EIF2AK4: variants seen among roughly 807,000 people sequenced by gnomAD.
The protein encoded by EIF2AK4 is eukaryotic translation initiation factor 2 alpha kinase 4, also known as eIF-2-alpha kinase GCN2.
Under a neutral mutation model 211.1 loss-of-function variants are expected in EIF2AK4, and 139 were observed. The observed-to-expected ratio is 0.66, with a 90% CI of 0.57 to 0.76. The LOEUF is 0.76. Among genes scored for constraint, EIF2AK4 ranks in the 30% least tolerant of loss-of-function variants. The pLI is 0.00. For missense variants in EIF2AK4, 1,664 were observed against 2,043.8 expected (o/e 0.81, Z 3.58); for synonymous variants, 710 against 751.3 (o/e 0.94, Z 0.90).
At chr15:40,011,483 G>A (rs1432907068) in intron 27 of EIF2AK4, 137 bp downstream of exon 27, 1 of 660,504 alleles carries the variant, frequency 1.5e-6, no homozygotes, top group Non-Finnish European at 2.6e-6. Context: ...TCCCTTGAGT[G>A]TTAGGTACCA....
intron 13 of EIF2AK4, among the ~76,000 whole-genome samples, chr15:39,982,854 T>C (rs1404247545): frequency 6.6e-6 from 1 of 152,236 alleles, no homozygotes; most frequent in African/African-American, 2.4e-5. Context: ...TTCATCCATG[T>C]CCCTGCAAAG....
In EIF2AK4 at chr15:40,034,388, G is replaced by A; in HGVS notation, c.4836G>A (p.Lys1612=). The change falls in exon 38 of 39, where the codon AAG becomes AAA. Residue 1612 remains lysine, a synonymous_variant. Transcript: ENST00000263791. The stretch of plus-strand genomic sequence containing the variant: ...AGCAGCTGCTGTCACGCCTGCCAAA[G>A]CAAAGATACCTCAAATTAGTCTGTG... ...TVKQLLSRLP[K]QRYLKLVCDE... is the part of the protein sequence containing the mutation. 6.2e-7 allele frequency: 1 copy of A among 1,614,036 alleles called. No homozygotes were observed. The highest frequency in any genetic ancestry group is 8.5e-7 in the Non-Finnish European group (1 of 1,179,974).
intron 5 of EIF2AK4, among the ~76,000 whole-genome samples, chr15:39,955,384 C>T (rs1424446226): frequency 4.6e-5 from 7 of 151,952 alleles, no homozygotes; most frequent in Non-Finnish European, 8.8e-5. Flanking sequence ...GTATAGTGAT[C>T]GGATCAGGGT....
At chr15:40,018,464 T>C (rs1478535728) in intron 29 of EIF2AK4, among the ~76,000 whole-genome samples, 1 of 152,004 alleles carries the variant, frequency 6.6e-6, no homozygotes, top group Admixed American at 6.6e-5. Context: ...AGTCTCACAC[T>C]CTTTTTTCTC....
In EIF2AK4 at chr15:39,973,613, T is replaced by G. The variant is rs758812636; in HGVS notation, c.1682T>G (p.Val561Gly). 1 of 1,613,668 alleles carries G rather than the reference T, an allele frequency of 6.2e-7. No homozygotes were observed. The highest frequency in any genetic ancestry group is 1.3e-5 in the African/African-American group (1 of 74,930). ...TCAGATTCTGAAGGACAAGATTATG[T>G]TGAGACTGTTATTCCTAGCAACCGG... is the stretch of plus-strand genomic sequence containing the variant. ...SPEDSEGQDY[V>G]ETVIPSNRLP... is the part of the protein sequence containing the mutation. The change falls in exon 11 of 39, where the codon GTT (valine) becomes GGT (glycine). Residue 561 changes from valine to glycine, a missense_variant. By Grantham distance (109) the Val-to-Gly change is moderately radical. Around this residue, in one of 7 missense-constraint regions of EIF2AK4, gnomAD observed 641 missense variants for 729.6 expected, o/e 0.88. Coordinates refer to ENST00000263791, the MANE Select transcript of EIF2AK4 (RefSeq NM_001013703.4).
chr15:40,008,763 T>C (rs2035196398), intron 25 of EIF2AK4, among the ~76,000 whole-genome samples: 2 of 152,160 alleles, frequency 1.3e-5, no homozygotes, highest in South Asian at 4.1e-4. Context: ...TTCTCAACTC[T>C]CACAGGTCTT....
intron 33 of EIF2AK4, 140 bp downstream of exon 33, chr15:40,026,229 G>T: frequency 1.4e-6 from 1 of 711,410 alleles, no homozygotes; most frequent in South Asian, 1.9e-5. Flanking sequence ...CCAAGTTTGG[G>T]GAATCACTTG....
rs1030308387 is a variant in EIF2AK4, at chr15:39,965,718, A to G, written c.892A>G (p.Asn298Asp). 7.4e-6 allele frequency: 12 copies of G among 1,613,930 alleles called. No homozygotes were observed. The highest frequency in any genetic ancestry group is 1.3e-5 in the African/African-American group (1 of 74,906). The change falls in exon 8 of 39, where the codon AAT becomes GAT. Residue 298 changes from asparagine (N) to aspartate (D), a missense_variant. Physicochemically the swap from Asn to Asp is conservative, Grantham distance 23 (BLOSUM62 1). Around this residue, in one of 7 missense-constraint regions of EIF2AK4, gnomAD observed 641 missense variants for 729.6 expected, o/e 0.88. Transcript: ENST00000263791. ...TGAACAACTTGGAAAATTAGTCTAC[A>G]ATGCTTTGGAAACAGCCACTGGTGG... ...SDEQLGKLVY[N>D]ALETATGGFV...
rs550200793 is a variant in EIF2AK4 at position 39,944,837 on chromosome 15, G to A, written c.360+1352G>A. ...AAGATAACCATTCATCTCATGGAAA[G>A]TAACTGGACAGATTTTTACTTGCTT... is the stretch of plus-strand genomic sequence containing the variant. On this transcript the variant is annotated intron_variant, in intron 3 of 38. Coordinates refer to ENST00000263791, the MANE Select transcript of EIF2AK4 (RefSeq NM_001013703.4). Among the ~76,000 whole-genome samples, 5 of 152,338 alleles carry A rather than the reference G, an allele frequency of 3.3e-5. No individual in the cohort carries two copies. In the East Asian group the frequency reaches 9.6e-4, roughly 29 times the overall value.
At chr15:40,017,738 G>T (rs925572000) in intron 29 of EIF2AK4, among the ~76,000 whole-genome samples, 1 of 150,784 alleles carries the variant, frequency 6.6e-6, no homozygotes, top group African/African-American at 2.4e-5. Context: ...GTAGAGACAG[G>T]GTTTTGCCAT....
At chr15:40,008,899 A>G (rs2412461) in intron 25 of EIF2AK4, among the ~76,000 whole-genome samples, 1,570 of 152,266 alleles carry the variant, frequency 0.01, 32 homozygotes, top group African/African-American at 0.037. Flanking sequence ...AGCTCGGCAC[A>G]TGGCTCACCA....
chr15:40,035,489 A>AT lies in EIF2AK4; in HGVS notation c.*412dup, dbSNP rs1216607152. 3 of 152,156 alleles carry AT rather than the reference A, an allele frequency of 2.0e-5. No individual in the cohort carries two copies. The highest frequency in any genetic ancestry group is 2.1e-4 in the South Asian group (1 of 4,852). 9.4% of individuals were successfully genotyped at this position (152,156 alleles called of 1,614,324 possible). ...TCTTAAAAAAAAAAAGAAAAAAAAA[A>AT]TTTTTTTCTAAGAAGCTGTCCTACA... On this transcript the variant is annotated 3_prime_UTR_variant, in exon 39 of 39. Coordinates refer to ENST00000263791, the MANE Select transcript of EIF2AK4 (RefSeq NM_001013703.4).
intron 18 of EIF2AK4, among the ~76,000 whole-genome samples, chr15:39,993,555 C>T (rs189742208): frequency 1.4e-3 from 212 of 152,242 alleles, no homozygotes; most frequent in Non-Finnish European, 2.3e-3. Context: ...GAGGAAACTG[C>T]ACACATAAAG....
At position 40,019,445 on chromosome 15, in the gene EIF2AK4, G is replaced by C. The variant is rs117184669; in HGVS notation, c.4173+245G>C. Among the ~76,000 whole-genome samples, 6 of 152,254 alleles carry C rather than the reference G, an allele frequency of 3.9e-5. No individual in the cohort carries two copies. In the East Asian group the frequency reaches 1.2e-3, roughly 29 times the overall value. On this transcript the variant is annotated intron_variant, in intron 30 of 38. Transcript: ENST00000263791. The stretch of plus-strand genomic sequence containing the variant: ...AGGGGTCCCTAACCCCCAGGCAGTG[G>C]ACTGGTACCCATCCAGGGCCTGTTA...
At chr15:39,971,172 T>C (rs8036388) in intron 9 of EIF2AK4, among the ~76,000 whole-genome samples, 138,739 of 151,970 alleles carry the variant, frequency 0.91, 63,751 homozygotes, top group Middle Eastern at 0.97. Context: ...ATCTCTTGAG[T>C]CCAGGAGTTC....
intron 33 of EIF2AK4, among the ~76,000 whole-genome samples, chr15:40,026,375 T>G (rs576467609): frequency 3.7e-4 from 56 of 152,270 alleles, no homozygotes; most frequent in African/African-American, 1.3e-3. Context: ...GAGGATTGCT[T>G]GAGCCCAGGA....
At chr15:40,023,897 C>G (rs1385814023) in intron 32 of EIF2AK4, among the ~76,000 whole-genome samples, 2 of 152,100 alleles carry the variant, frequency 1.3e-5, no homozygotes, top group African/African-American at 4.8e-5. Flanking sequence ...CACCTTGGAC[C>G]AAATTCAGCC....
intron 4 of EIF2AK4, chr15:39,951,468 A>C (rs1380328950): frequency 2.5e-6 from 1 of 406,128 alleles, no homozygotes; most frequent in Non-Finnish European, 4.8e-6. Flanking sequence ...TGGTGTTTTC[A>C]AAAAGGCCAA....
At chr15:39,995,822 G>A (rs957301610) in intron 18 of EIF2AK4, among the ~76,000 whole-genome samples, 5 of 152,258 alleles carry the variant, frequency 3.3e-5, no homozygotes, top group Middle Eastern at 3.4e-3. Context: ...GAAGCTGACC[G>A]ACATACCCAT....
Sources: allele counts gnomAD v4.1 joint callset (sites outside exome capture counted in the v4.1 genomes callset), GRCh38; gene constraint gnomAD v4.1.1; regional missense constraint gnomAD v4.1.1; transcripts MANE v1.5; gene names NCBI Gene and HGNC (gene_info 2026-07-23, HGNC 2026-07-21).